Variants in MYO18B observed in about 807,000 individuals in gnomAD.
MYO18B encodes the protein unconventional myosin-XVIIIb.
In MYO18B, 204 loss-of-function variants were observed where a neutral mutation model predicts 273.0. The observed-to-expected ratio is 0.75, with a 90% CI of 0.67 to 0.84. The LOEUF is 0.84. Among genes scored for constraint, MYO18B ranks in the 40% least tolerant of loss-of-function variants. MYO18B has a pLI of 0.00. For missense variants in MYO18B, 3,212 were observed against 3,287.6 expected (o/e 0.98, Z 0.56); for synonymous variants, 1,330 against 1,305.7 (o/e 1.02, Z -0.40).
At chr22:25,972,677 T>A (rs1488068045) in intron 39 of MYO18B, among the ~76,000 whole-genome samples, 2 of 152,132 alleles carry the variant, frequency 1.3e-5, no homozygotes, top group African/African-American at 4.8e-5. Context: ...AGATCTCGGC[T>A]GGGCACGGTG....
At chr22:25,783,140 T>G (rs149323476) in intron 10 of MYO18B, among the ~76,000 whole-genome samples, 670 of 152,326 alleles carry the variant, frequency 4.4e-3, no homozygotes, top group African/African-American at 0.015. Context: ...TGTGTGTTCT[T>G]GTTTTTGGAG....
rs117281231 is a variant in MYO18B at position 25,879,521 on chromosome 22, C to T, written c.4314+1473C>T. Among the ~76,000 whole-genome samples the T allele has an allele frequency of 1.0e-3, 159 of 152,192 alleles. 2 individuals are homozygous for T. In the East Asian group the frequency reaches 0.025, roughly 24 times the overall value. ...AGGTTATGTTGGTTGAATGTGTGACCGTATTCCCTATGCCTTCTCTCTTTG... is the reference window on the plus strand; with the variant it reads ...AGGTTATGTTGGTTGAATGTGTGACTGTATTCCCTATGCCTTCTCTCTTTG... On this transcript the variant is annotated intron_variant, in intron 25 of 43. Transcript: ENST00000335473.
intron 40 of MYO18B, among the ~76,000 whole-genome samples, chr22:25,999,522 C>G (rs144278076): frequency 0.017 from 1,160 of 69,412 alleles, 29 homozygotes; most frequent in African/African-American, 0.088. Context: ...TTCTCTCTCC[C>G]CCTCCCCCTC....
At chr22:25,866,862 A>G (rs2090904553) in intron 21 of MYO18B, among the ~76,000 whole-genome samples, 1 of 151,548 alleles carries the variant, frequency 6.6e-6, no homozygotes, top group Non-Finnish European at 1.5e-5. Context: ...GCCATAATGT[A>G]GATCAGGCAG....
rs1213255151 is a variant in MYO18B at position 25,777,577 on chromosome 22, C to T, written c.1870-6C>T. 2.5e-6 allele frequency: 4 copies of T among 1,580,360 alleles called. No homozygotes were observed. In the South Asian group the frequency reaches 4.7e-5, roughly 19 times the overall value. ...GGGATGGCTGATACCTGTGATCTTC[C>T]TGCAGGTGCCCAAGGGCCGCCGGGA... is the stretch of plus-strand genomic sequence containing the variant. On this transcript the variant is annotated splice_polypyrimidine_tract_variant and splice_region_variant and intron_variant, in intron 7 of 43. Coordinates refer to ENST00000335473, the MANE Select transcript of MYO18B (RefSeq NM_032608.7).
intron 15 of MYO18B, among the ~76,000 whole-genome samples, chr22:25,832,566 G>A (rs1490816066): frequency 6.6e-6 from 1 of 152,154 alleles, no homozygotes; most frequent in Admixed American, 6.6e-5. Flanking sequence ...AAGCTACTTA[G>A]AAAAGTTGAG....
chr22:25,984,431 T>G (rs1415912257), intron 39 of MYO18B, among the ~76,000 whole-genome samples: 1 of 152,192 alleles, frequency 6.6e-6, no homozygotes, highest in Non-Finnish European at 1.5e-5. Flanking sequence ...GCGAACCAAC[T>G]AACTAATATA....
chr22:25,839,714 C>T (rs563409508), intron 17 of MYO18B, among the ~76,000 whole-genome samples: 12 of 152,266 alleles, frequency 7.9e-5, no homozygotes, highest in African/African-American at 2.2e-4. Flanking sequence ...ATGTATGATA[C>T]GGGCTCAAGA....
intron 21 of MYO18B, among the ~76,000 whole-genome samples, chr22:25,859,053 G>A (rs751208325): frequency 1.3e-5 from 2 of 152,096 alleles, no homozygotes; most frequent in African/African-American, 4.8e-5. Context: ...GCAATTTAAC[G>A]TATTGACATG....
intron 1 of MYO18B, among the ~76,000 whole-genome samples, chr22:25,754,900 G>C (rs1384220349): frequency 6.6e-6 from 1 of 152,202 alleles, no homozygotes; most frequent in East Asian, 1.9e-4. Flanking sequence ...CAGCCCCTAC[G>C]ACAGCCAGGA....
At chr22:25,983,326 A>G (rs1230105217) in intron 39 of MYO18B, 1 of 152,254 alleles carries the variant, frequency 6.6e-6, no homozygotes. Flanking sequence ...CTATGATCAC[A>G]CTACTGCATT....
At chr22:25,992,251 A>G in intron 39 of MYO18B, 112 bp from the exon 40 acceptor site, 2 of 1,345,458 alleles carry the variant, frequency 1.5e-6, no homozygotes, top group South Asian at 1.3e-5. Context: ...ACCACTTCAT[A>G]GGTGCTCAGT....
intron 29 of MYO18B, chr22:25,899,278 A>G (rs916017388): frequency 6.6e-6 from 1 of 152,232 alleles, no homozygotes; most frequent in South Asian, 2.1e-4. Context: ...GGCTGTGTCT[A>G]AAGTTCTCCA....
At chr22:25,947,881 T>C in intron 36 of MYO18B, 53 bp downstream of exon 36, 3 of 1,359,060 alleles carry the variant, frequency 2.2e-6, no homozygotes, top group Non-Finnish European at 3.1e-6. Flanking sequence ...GTGGGGTGAA[T>C]GGGGAATGTT....
chr22:25,937,321 C>T (rs1044359095), intron 34 of MYO18B, among the ~76,000 whole-genome samples: 7 of 151,910 alleles, frequency 4.6e-5, no homozygotes, highest in African/African-American at 7.3e-5. Flanking sequence ...TGGCCTCAAC[C>T]GATTCGTTTG....
chr22:25,906,605 A>G (rs987354758), intron 31 of MYO18B, among the ~76,000 whole-genome samples: 1 of 152,240 alleles, frequency 6.6e-6, no homozygotes, highest in South Asian at 2.1e-4. Flanking sequence ...TATCATTTCT[A>G]CAATGTAACC....
chr22:25,752,231 A>T (rs2085951098), intron 1 of MYO18B, among the ~76,000 whole-genome samples: 1 of 146,636 alleles, frequency 6.8e-6, no homozygotes, highest in Non-Finnish European at 1.5e-5. Flanking sequence ...TCTGTCGCCC[A>T]GGCTGGAGTG....
At chr22:25,799,612 G>T (rs554563078) in intron 12 of MYO18B, among the ~76,000 whole-genome samples, 40 of 152,346 alleles carry the variant, frequency 2.6e-4, no homozygotes, top group African/African-American at 7.7e-4. Flanking sequence ...ATTCTGGGCT[G>T]TTACCTTGGC....
intron 18 of MYO18B, among the ~76,000 whole-genome samples, chr22:25,844,723 A>G (rs911746346): frequency 1.3e-5 from 2 of 152,224 alleles, no homozygotes; most frequent in African/African-American, 2.4e-5. Context: ...CCAGAACATT[A>G]TGTCAGAGCT....
Sources: gnomAD v4.1 joint callset for allele counts (sites outside exome capture counted in the v4.1 genomes callset) on GRCh38, gnomAD v4.1.1 for gene constraint, MANE v1.5 for transcripts, NCBI Gene and HGNC (gene_info 2026-07-23, HGNC 2026-07-21) for gene names.